Variants in AGMO observed in about 807,000 individuals in gnomAD.
The protein encoded by AGMO is glyceryl-ether monooxygenase.
In AGMO, 75 loss-of-function variants were observed where a neutral mutation model predicts 60.2. That is an observed-to-expected ratio of 1.25 (90% CI 1.03 to 1.51). The LOEUF is 1.51. AGMO is among the 40% of genes most tolerant of loss of function. AGMO has a pLI of 0.00. For synonymous variants in AGMO, 261 were observed against 177.1 expected, an observed-to-expected ratio of 1.47 and a Z score of -3.76; for missense variants, 763 against 525.5, an observed-to-expected ratio of 1.45 and a Z score of -4.42.
At chr7:15,121,398 C>T in the AGMO span, among the ~76,000 whole-genome samples, 25 of 152,176 alleles carry the variant, frequency 1.6e-4, no homozygotes. Context: ...AATCACCACA[C>T]TGTCTTCCAC....
At chr7:15,163,464 A>G in the AGMO span, among the ~76,000 whole-genome samples, 2 of 152,090 alleles carry the variant, frequency 1.3e-5, no homozygotes, top group Non-Finnish European at 2.9e-5. Context: ...GGTTTGTCAT[A>G]TATGGCTTTT....
chr7:15,386,041 C>A (rs879441493), intron 9 of AGMO, among the ~76,000 whole-genome samples: 1 of 151,954 alleles, frequency 6.6e-6, no homozygotes, highest in African/African-American at 2.4e-5. Flanking sequence ...ATTAGCTGGG[C>A]ATGGTGGCAC....
chr7:15,273,212 T>A (rs926494349), intron 12 of AGMO, among the ~76,000 whole-genome samples: 1 of 152,230 alleles, frequency 6.6e-6, no homozygotes, highest in African/African-American at 2.4e-5. Context: ...CATGCCTATG[T>A]CCTGAATGGT....
At chr7:15,198,187 G>A (rs1282299113), downstream of AGMO, among the ~76,000 whole-genome samples, 1 of 141,100 alleles carries the variant, frequency 7.1e-6, no homozygotes, top group Non-Finnish European at 1.5e-5. Context: ...CCTATTTTTA[G>A]GGCTTTCCCG....
At chr7:15,428,451 T>C (rs1781131823) in intron 4 of AGMO, among the ~76,000 whole-genome samples, 1 of 152,168 alleles carries the variant, frequency 6.6e-6, no homozygotes, top group South Asian at 2.1e-4. Flanking sequence ...TTTGTAAAGA[T>C]AAATTATTCT....
At chr7:15,202,626 G>A (rs1468927174) in intron 12 of AGMO, among the ~76,000 whole-genome samples, 1 of 151,896 alleles carries the variant, frequency 6.6e-6, no homozygotes, top group African/African-American at 2.4e-5. Flanking sequence ...ATTCCTTTTA[G>A]CCTATAACAC....
intron 12 of AGMO, among the ~76,000 whole-genome samples, chr7:15,332,846 T>A (rs1371857835): frequency 1.3e-5 from 2 of 152,092 alleles, no homozygotes; most frequent in Non-Finnish European, 2.9e-5. Flanking sequence ...AAATCCTACA[T>A]TTTCCTATCC....
the AGMO span, among the ~76,000 whole-genome samples, chr7:15,131,757 AAC>A: frequency 0.32 from 46,926 of 146,150 alleles, 8,608 homozygotes; most frequent in East Asian, 0.63. Flanking sequence ...CAAAGAAATT[AAC>A]ACACACACAC....
At chr7:15,359,738 A>G (rs1334838310) in intron 12 of AGMO, among the ~76,000 whole-genome samples, 1 of 152,226 alleles carries the variant, frequency 6.6e-6, no homozygotes, top group East Asian at 1.9e-4. Context: ...TTTGCCAAAC[A>G]AGTTCTAAAT....
intron 12 of AGMO, among the ~76,000 whole-genome samples, chr7:15,335,661 G>T (rs1291758825): frequency 6.6e-6 from 1 of 152,110 alleles, no homozygotes; most frequent in African/African-American, 2.4e-5. Flanking sequence ...TGTCTGGCCA[G>T]CACTACCTTT....
At chr7:15,324,519 A>AG (rs2128541419) in intron 12 of AGMO, among the ~76,000 whole-genome samples, 1 of 152,192 alleles carries the variant, frequency 6.6e-6, no homozygotes, top group African/African-American at 2.4e-5. Context: ...CTCTGGCTTC[A>AG]GACCCCTACA....
chr7:15,409,147 G>T (rs1784776957), intron 5 of AGMO, among the ~76,000 whole-genome samples: 1 of 147,402 alleles, frequency 6.8e-6, no homozygotes, highest in Non-Finnish European at 1.5e-5. Context: ...GTAAGCAATA[G>T]AACATCACCG....
intron 3 of AGMO, among the ~76,000 whole-genome samples, chr7:15,525,767 T>A (rs1784113612): frequency 6.6e-6 from 1 of 152,058 alleles, no homozygotes. Context: ...AGCCCCAGGC[T>A]GGAGAGGGGT....
chr7:15,176,126 T>C, the AGMO span, among the ~76,000 whole-genome samples: 3 of 152,158 alleles, frequency 2.0e-5, no homozygotes, highest in African/African-American at 7.2e-5. Context: ...TTTCCTATTT[T>C]TATGCTTCAA....
At chr7:15,268,395 C>A (rs559282067) in intron 12 of AGMO, among the ~76,000 whole-genome samples, 13 of 152,100 alleles carry the variant, frequency 8.5e-5, no homozygotes, top group South Asian at 6.2e-4. Context: ...CAACATGGAG[C>A]CCAAAATCCT....
intron 3 of AGMO, among the ~76,000 whole-genome samples, chr7:15,431,427 A>G (rs1046800709): frequency 1.3e-5 from 2 of 151,914 alleles, no homozygotes; most frequent in Non-Finnish European, 2.9e-5. Flanking sequence ...GACAGATTAT[A>G]AAAGCTAGCT....
the AGMO span, among the ~76,000 whole-genome samples, chr7:15,118,209 C>CAT: frequency 6.7e-6 from 1 of 149,368 alleles, no homozygotes; most frequent in African/African-American, 2.5e-5. Flanking sequence ...CACACACACA[C>CAT]ATATATACAA....
At chr7:15,477,380 C>T (rs573939939) in intron 3 of AGMO, among the ~76,000 whole-genome samples, 1 of 152,080 alleles carries the variant, frequency 6.6e-6, no homozygotes, top group Non-Finnish European at 1.5e-5. Flanking sequence ...TTGTTACATA[C>T]ACAGTCACTC....
In AGMO at chr7:15,387,468, A is replaced by ATTT. The variant is rs749625352; in HGVS notation, c.894_895insAAA (p.Ile298_Phe299insLys). On this transcript the variant is annotated inframe_insertion, in exon 9 of 13. Coordinates refer to ENST00000342526, the MANE Select transcript of AGMO (RefSeq NM_001004320.2). ...CCTGGACCCCATCCCGGTCCCTTAA[A>ATTT]TATGACAGAAAACTTATTGAAGAAT... 6.2e-7 allele frequency: 1 copy of ATTT among 1,614,186 alleles called. No homozygotes were observed. Among genetic ancestry groups the ATTT allele is most frequent in the Non-Finnish European group, 8.5e-7 (1 of 1,180,016 alleles).
Sources: allele counts gnomAD v4.1 joint callset (sites outside exome capture counted in the v4.1 genomes callset), GRCh38; gene constraint gnomAD v4.1.1; transcripts MANE v1.5; gene names NCBI Gene and HGNC (gene_info 2026-07-23, HGNC 2026-07-21).